Variants in DAPP1 observed in about 807,000 individuals in gnomAD.
DAPP1 encodes dual adaptor of phosphotyrosine and 3-phosphoinositides 1.
DAPP1 carries 20 observed loss-of-function variants against 41.5 expected under a neutral mutation model. The ratio of observed to expected loss-of-function variants is 0.48; its 90% CI spans 0.34 to 0.70. The LOEUF is 0.70. DAPP1 is among the 30% of genes least tolerant of loss of function. The pLI is 0.01. For synonymous variants in DAPP1, 113 were observed against 116.2 expected, an observed-to-expected ratio of 0.97 and a Z score of 0.18; for missense variants, 233 against 333.4, an observed-to-expected ratio of 0.70 and a Z score of 2.35.
At chr4:99,866,766 A>ATTTTTTTTTTTTTTTT (rs11315402) in intron 8 of DAPP1, 2 of 343,172 alleles carry the variant, frequency 5.8e-6, no homozygotes, top group African/African-American at 3.0e-5. Flanking sequence ...CTTTTTTTCT[A>ATTTTTTTTTTTTTTTT]TTTTTTTTTT....
rs1011264534 is a variant in DAPP1, at chr4:99,869,153, T to C, written c.*968T>C. 3 of 152,192 alleles carry C rather than the reference T, an allele frequency of 2.0e-5. No homozygotes were observed. The highest frequency in any genetic ancestry group is 7.2e-5 in the African/African-American group (3 of 41,458). 9.4% of individuals were successfully genotyped at this position (152,192 alleles called of 1,614,324 possible). A position where few individuals can be genotyped will look rare whatever the true frequency, so the allele number is the denominator to read the frequency against. On this transcript the variant is annotated 3_prime_UTR_variant, in exon 9 of 9. Transcript: ENST00000512369. Reference sequence around the variant, plus strand: ...CAAGAGATGTAAGAAAAATCTCGCATTGCTCCCTAAGCACCCTGGGCCTTA... The same window carrying C: ...CAAGAGATGTAAGAAAAATCTCGCACTGCTCCCTAAGCACCCTGGGCCTTA...
rs1293557872 is a variant in DAPP1 at position 99,852,482 on chromosome 4, C to G, written c.359-736C>G. The stretch of plus-strand genomic sequence containing the variant: ...TGCTCTGAGCCCTTGGAACAAAGTT[C>G]CCCAGCCCCCCATGCCTGGACCCCC... On this transcript the variant is annotated intron_variant, in intron 3 of 8. Coordinates refer to ENST00000512369, the MANE Select transcript of DAPP1 (RefSeq NM_014395.3). Among the ~76,000 whole-genome samples, 5 of 152,236 alleles carry G rather than the reference C, an allele frequency of 3.3e-5. No individual in the cohort carries two copies. The South Asian group carries it at 6.2e-4, about 19-fold the overall frequency.
intron 3 of DAPP1, among the ~76,000 whole-genome samples, chr4:99,840,955 C>T (rs1057111196): frequency 6.6e-6 from 1 of 151,672 alleles, no homozygotes; most frequent in African/African-American, 2.4e-5. Flanking sequence ...GAGAATTAAA[C>T]CAGAAAAAAA....
At chr4:99,860,268 C>T (rs573834969) in intron 4 of DAPP1, among the ~76,000 whole-genome samples, 2 of 152,298 alleles carry the variant, frequency 1.3e-5, no homozygotes, top group African/African-American at 4.8e-5. Context: ...ACTTATAGTA[C>T]ATTGTTTGGG....
chr4:99,861,224 G>A (rs1404525416), intron 4 of DAPP1, among the ~76,000 whole-genome samples: 1 of 152,172 alleles, frequency 6.6e-6, no homozygotes, highest in African/African-American at 2.4e-5. Flanking sequence ...TCTCCCAAAC[G>A]TATTGACAGT....
intron 4 of DAPP1, among the ~76,000 whole-genome samples, chr4:99,859,176 A>G (rs1012779039): frequency 6.6e-6 from 1 of 152,120 alleles, no homozygotes; most frequent in African/African-American, 2.4e-5. Context: ...TCAGCCTCCC[A>G]AAGTGCTGGG....
intron 1 of DAPP1, among the ~76,000 whole-genome samples, chr4:99,827,448 G>A (rs1388797103): frequency 6.6e-6 from 1 of 151,702 alleles, no homozygotes; most frequent in Non-Finnish European, 1.5e-5. Context: ...CAGGAGAATG[G>A]CGTGAACCCG....
chr4:99,823,470 C>T (rs1452064824), intron 1 of DAPP1, among the ~76,000 whole-genome samples: 1 of 152,174 alleles, frequency 6.6e-6, no homozygotes, highest in Non-Finnish European at 1.5e-5. Flanking sequence ...TCTGTACACA[C>T]ACACAAACAT....
At position 99,835,484 on chromosome 4, in the gene DAPP1, A is replaced by G. The variant is rs116715868; in HGVS notation, c.102-139A>G. On this transcript the variant is annotated intron_variant, in intron 1 of 8. Coordinates refer to ENST00000512369, the MANE Select transcript of DAPP1 (RefSeq NM_014395.3). ...CCCCACCCAGGGATTTCCTTGTCCT[A>G]ATGTTGGGGCTGAGAGCTGGGTCTC... 6.1e-5 allele frequency: 74 copies of G among 1,212,582 alleles called. No homozygotes were observed. The African/African-American group carries it at 1.0e-3, about 16-fold the overall frequency. 75.1% of individuals were successfully genotyped at this position (1,212,582 alleles called of 1,614,324 possible). A position where few individuals can be genotyped will look rare whatever the true frequency, so the allele number is the denominator to read the frequency against.
chr4:99,851,767 A>T (rs1578183686), intron 3 of DAPP1, among the ~76,000 whole-genome samples: 2 of 151,816 alleles, frequency 1.3e-5, no homozygotes, highest in South Asian at 4.2e-4. Flanking sequence ...GTTGGCCAGG[A>T]TGCTCTCGAT....
chr4:99,863,093 T>G, intron 6 of DAPP1, 21 bp downstream of exon 6: 1 of 1,507,450 alleles, frequency 6.6e-7, no homozygotes, highest in Non-Finnish European at 8.9e-7. Context: ...TGATAATATA[T>G]TTTTCCTTTA....
rs975003374 is a variant in DAPP1, at chr4:99,863,036, G to C, written c.564G>C (p.Leu188=). 6.3e-7 allele frequency: 1 copy of C among 1,591,926 alleles called. No homozygotes were observed. The highest frequency in any genetic ancestry group is 1.8e-5 in the Admixed American group (1 of 54,476). Residue 188 remains leucine, a synonymous_variant, in exon 6 of 9, where the codon CTG becomes CTC. Transcript: ENST00000512369. Reference sequence around the variant, plus strand: ...CCTGGAAAACAAGATGGTTTACTCTGCACAGGAATGAACTGAAATACTTCA... The same window carrying C: ...CCTGGAAAACAAGATGGTTTACTCTCCACAGGAATGAACTGAAATACTTCA... ...VKTWKTRWFT[L]HRNELKYFKD... is the part of the protein sequence containing the mutation.
intron 4 of DAPP1, among the ~76,000 whole-genome samples, chr4:99,859,611 C>A (rs941277994): frequency 7.9e-5 from 12 of 152,186 alleles, no homozygotes; most frequent in African/African-American, 2.7e-4. Flanking sequence ...CCTCAGTACA[C>A]TTATGTGGTG....
intron 1 of DAPP1, among the ~76,000 whole-genome samples, chr4:99,821,476 T>G (rs1226923613): frequency 1.3e-5 from 2 of 152,266 alleles, no homozygotes; most frequent in African/African-American, 4.8e-5. Flanking sequence ...AATTATTGGA[T>G]GCTTATCATG....
At chr4:99,853,074 G>T in intron 3 of DAPP1, 144 bp from the exon 4 acceptor site, 1 of 897,888 alleles carries the variant, frequency 1.1e-6, no homozygotes, top group South Asian at 1.8e-5. Flanking sequence ...TACCTAATTG[G>T]TATTTGATAA....
At chr4:99,837,000 G>T (rs1045602545) in intron 2 of DAPP1, among the ~76,000 whole-genome samples, 1 of 152,126 alleles carries the variant, frequency 6.6e-6, no homozygotes, top group East Asian at 1.9e-4. Context: ...TCAGCCAGGG[G>T]CCATTCTCAA....
Position 99,868,959 on chromosome 4 carries a change from A to G in DAPP1, c.*774A>G, listed in dbSNP as rs1250947825. The G allele has an allele frequency of 6.6e-6, 1 of 152,204 alleles. No homozygotes were observed. Among genetic ancestry groups the G allele is most frequent in the Non-Finnish European group, 1.5e-5 (1 of 68,036 alleles). 9.4% of individuals were successfully genotyped at this position (152,204 alleles called of 1,614,324 possible). ...TTGAGAAAGGGTGATAAAGTAATAG[A>G]TAACTTTTAGTTTAATAATAATTAT... is the stretch of plus-strand genomic sequence containing the variant. On this transcript the variant is annotated 3_prime_UTR_variant, in exon 9 of 9. Coordinates refer to ENST00000512369, the MANE Select transcript of DAPP1 (RefSeq NM_014395.3).
At position 99,816,867 on chromosome 4, in the gene DAPP1, G is replaced by A; in HGVS notation, c.-47G>A. ...TGTCTCACAGAGCGAGAAGGTGTCA[G>A]GAGCAGCCCAGTTGTGTCTCTCTCT... On this transcript the variant is annotated 5_prime_UTR_variant, in exon 1 of 9. Transcript: ENST00000512369. 6.6e-7 allele frequency: 1 copy of A among 1,517,072 alleles called. No individual in the cohort carries two copies. The highest frequency in any genetic ancestry group is 1.4e-5 in the African/African-American group (1 of 72,644). 94.0% of individuals were successfully genotyped at this position (1,517,072 alleles called of 1,614,324 possible). A position where few individuals can be genotyped will look rare whatever the true frequency, so the allele number is the denominator to read the frequency against.
intron 1 of DAPP1, among the ~76,000 whole-genome samples, chr4:99,832,546 G>A (rs1252061761): frequency 2.6e-5 from 4 of 152,200 alleles, no homozygotes; most frequent in Non-Finnish European, 4.4e-5. Context: ...AGGCCCTGGA[G>A]TCTGTAAACT....
Sources: gnomAD v4.1 joint callset for allele counts (sites outside exome capture counted in the v4.1 genomes callset) on GRCh38, gnomAD v4.1.1 for gene constraint, MANE v1.5 for transcripts, NCBI Gene and HGNC (gene_info 2026-07-23, HGNC 2026-07-21) for gene names.